The following RNLS variants were observed in gnomAD, a reference collection of about 807,000 sequenced individuals.
RNLS encodes the protein renalase.
A neutral mutation model predicts 39.8 loss-of-function variants in RNLS; 39 were observed. The ratio of observed to expected loss-of-function variants is 0.98; its 90% CI spans 0.76 to 1.28. RNLS has a LOEUF of 1.28. Among genes scored for constraint, RNLS ranks in the 50% most tolerant of loss-of-function variants. The pLI is 0.00. For synonymous variants in RNLS, 147 were observed against 150.7 expected, an observed-to-expected ratio of 0.98 and a Z score of 0.18; for missense variants, 410 against 413.3, an observed-to-expected ratio of 0.99 and a Z score of 0.07.
chr10:88,438,067 G>A (rs182332414), intron 4 of RNLS, among the ~76,000 whole-genome samples: 3,226 of 151,288 alleles, frequency 0.021, 110 homozygotes, highest in South Asian at 0.11. Flanking sequence ...CGGAGGTTGC[G>A]GTGAGCTGAG....
At chr10:88,180,520 T>G in the RNLS span, among the ~76,000 whole-genome samples, 4 of 152,204 alleles carry the variant, frequency 2.6e-5, no homozygotes, top group African/African-American at 9.6e-5. Context: ...GTCAATTGGC[T>G]GGCCAAAGGA....
intron 4 of RNLS, among the ~76,000 whole-genome samples, chr10:88,471,898 GC>G (rs1477304233): frequency 2.0e-5 from 3 of 151,932 alleles, no homozygotes; most frequent in African/African-American, 7.2e-5. Context: ...AGCAATATAG[GC>G]CCCTTAACTG....
intron 5 of RNLS, among the ~76,000 whole-genome samples, chr10:88,318,902 T>G (rs984186971): frequency 2.0e-5 from 3 of 152,078 alleles, no homozygotes; most frequent in East Asian, 1.9e-4. Flanking sequence ...TCTCCTCCCC[T>G]CTATATCAGG....
chr10:88,342,782 GA>G (rs1271276699), intron 5 of RNLS, among the ~76,000 whole-genome samples: 1 of 152,172 alleles, frequency 6.6e-6, no homozygotes, highest in African/African-American at 2.4e-5. Context: ...TCTCGAGGTG[GA>G]AAAAAGTATG....
chr10:88,373,136 T>C (rs1300255857), intron 4 of RNLS, among the ~76,000 whole-genome samples: 1 of 152,072 alleles, frequency 6.6e-6, no homozygotes, highest in East Asian at 1.9e-4. Flanking sequence ...CTTTATTACA[T>C]GTCACCTCAT....
At position 88,285,424 on chromosome 10, in the gene RNLS, G is replaced by A; in HGVS notation, c.959C>T (p.Thr320Ile). ...GATGCAGCCATCAAAGTTGGACTGA[G>A]TAAATCCATCCCCTCCACATGCAAG... is the stretch of plus-strand genomic sequence containing the variant. ...PFLACGGDGFTQSNFDGCITS... is the reference protein window; with the variant it reads ...PFLACGGDGFIQSNFDGCITS... Residue 320 changes from threonine (T) to isoleucine (I), a missense_variant, in exon 7 of 7, where the codon ACT (threonine) becomes ATT (isoleucine). Thr to Ile is a moderately conservative substitution (Grantham distance 89, BLOSUM62 -1). Coordinates refer to ENST00000331772, the MANE Select transcript of RNLS (RefSeq NM_001031709.3). The A allele has an allele frequency of 1.2e-6, 2 of 1,613,262 alleles. No individual in the cohort carries two copies. Among genetic ancestry groups the A allele is most frequent in the Non-Finnish European group, 1.7e-6 (2 of 1,179,518 alleles).
intron 4 of RNLS, among the ~76,000 whole-genome samples, chr10:88,569,675 G>C (rs58463359): frequency 0.021 from 3,231 of 152,150 alleles, 105 homozygotes; most frequent in South Asian, 0.076. Context: ...TAAACAACTA[G>C]TATTTTAAAA....
At chr10:88,299,364 T>C (rs1291521923) in intron 6 of RNLS, among the ~76,000 whole-genome samples, 1 of 152,198 alleles carries the variant, frequency 6.6e-6, no homozygotes. Context: ...GGTTCACGCC[T>C]GTAATCCCAG....
At chr10:88,443,918 C>T (rs1564803477) in intron 4 of RNLS, among the ~76,000 whole-genome samples, 1 of 152,238 alleles carries the variant, frequency 6.6e-6, no homozygotes, top group Non-Finnish European at 1.5e-5. Context: ...GAACAAAAGG[C>T]AGCAGAAACC....
At chr10:88,441,059 A>C (rs938462780) in intron 4 of RNLS, among the ~76,000 whole-genome samples, 1 of 152,240 alleles carries the variant, frequency 6.6e-6, no homozygotes, top group Non-Finnish European at 1.5e-5. Flanking sequence ...TCCTTTTTTA[A>C]AAACTCATGT....
intron 4 of RNLS, among the ~76,000 whole-genome samples, chr10:88,557,543 C>A (rs932139641): frequency 1.3e-5 from 2 of 152,034 alleles, no homozygotes; most frequent in African/African-American, 4.8e-5. Context: ...ATATAAGATA[C>A]ATTTGTGAAG....
chr10:88,397,305 T>C (rs955713093), intron 4 of RNLS, among the ~76,000 whole-genome samples: 2 of 151,870 alleles, frequency 1.3e-5, no homozygotes, highest in Non-Finnish European at 2.9e-5. Flanking sequence ...TAGAAACCAA[T>C]AATAGACAGA....
chr10:88,417,513 C>A (rs554216372), intron 4 of RNLS, among the ~76,000 whole-genome samples: 1 of 152,222 alleles, frequency 6.6e-6, no homozygotes, highest in African/African-American at 2.4e-5. Flanking sequence ...GTTAATTTGA[C>A]AGGCAAATTA....
At chr10:88,398,440 G>A (rs1411817110) in intron 4 of RNLS, among the ~76,000 whole-genome samples, 1 of 151,944 alleles carries the variant, frequency 6.6e-6, no homozygotes, top group Non-Finnish European at 1.5e-5. Flanking sequence ...GAGGTTAAAA[G>A]CTCTGGATTG....
the RNLS span, among the ~76,000 whole-genome samples, chr10:88,197,905 C>G: frequency 2.0e-5 from 3 of 152,206 alleles, no homozygotes; most frequent in African/African-American, 7.2e-5. Context: ...ATCTTTACTT[C>G]TAGACTCCAG....
rs138785871 is a variant in RNLS at position 88,300,431 on chromosome 10, C to G, written c.876+14035G>C. ...AGCTACTGGTCATTCCTCAAGTATT[C>G]TTTGCCTCTTTTGCTTCTGAAAAAG... On this transcript the variant is annotated intron_variant, in intron 6 of 6. Transcript: ENST00000331772. 8.9e-4 allele frequency among the ~76,000 whole-genome samples: 135 copies of G among 152,298 alleles called. 1 individual carries two copies. Among genetic ancestry groups the G allele is most frequent in the African/African-American group, 3.0e-3 (126 of 41,570 alleles).
intron 4 of RNLS, among the ~76,000 whole-genome samples, chr10:88,502,019 AAC>A (rs1845518877): frequency 6.6e-6 from 1 of 152,064 alleles, no homozygotes; most frequent in African/African-American, 2.4e-5. Context: ...ATAATATAGG[AAC>A]ATCACATTCA....
At chr10:88,332,137 C>T (rs1182958982) in intron 5 of RNLS, among the ~76,000 whole-genome samples, 2 of 152,236 alleles carry the variant, frequency 1.3e-5, no homozygotes, top group African/African-American at 4.8e-5. Context: ...GCAGATTTTA[C>T]TTGCTTTTTA....
chr10:88,278,048 T>C (rs1842875897), intron 6 of RNLS, among the ~76,000 whole-genome samples: 1 of 152,210 alleles, frequency 6.6e-6, no homozygotes. Flanking sequence ...TATGAATAGT[T>C]AAAATGGTTT....
Sources: allele counts gnomAD v4.1 joint callset (sites outside exome capture counted in the v4.1 genomes callset), GRCh38; gene constraint gnomAD v4.1.1; transcripts MANE v1.5; gene names NCBI Gene and HGNC (gene_info 2026-07-23, HGNC 2026-07-21).